MCM9: variants seen among roughly 807,000 people sequenced by gnomAD.
The protein encoded by MCM9 is DNA helicase MCM9.
MCM9 carries 55 observed loss-of-function variants against 72.8 expected under a neutral mutation model. The observed-to-expected ratio is 0.76, with a 90% CI of 0.61 to 0.95. MCM9 has a LOEUF of 0.95. Ranked by LOEUF, MCM9 falls within the 40% of genes least tolerant of loss-of-function variation. The pLI is 0.00. For synonymous variants in MCM9, 480 were observed against 503.4 expected (o/e 0.95, Z 0.62); for missense variants, 1,279 against 1,377.0 (o/e 0.93, Z 1.13).
In MCM9 at chr6:118,814,873, T is replaced by C. The variant is rs1446317116; in HGVS notation, c.3383A>G (p.Asp1128Gly). ...ATCCCAGTCACAATCAAATGCTTCA[T>C]CACCTAGTTCTGGTAAAGTGAAGAG... is the stretch of plus-strand genomic sequence containing the variant. ...ESLFTLPELG[D>G]EAFDCDWDEE... The change falls in exon 14 of 14, where the codon GAT becomes GGT. Residue 1128 changes from aspartate (D) to glycine (G), a missense_variant. Asp to Gly is a moderately conservative substitution (Grantham distance 94). Coordinates refer to ENST00000619706, the MANE Select transcript of MCM9 (RefSeq NM_017696.3). 2 of 1,536,680 alleles carry C rather than the reference T, an allele frequency of 1.3e-6. No individual in the cohort carries two copies. The highest frequency in any genetic ancestry group is 1.8e-6 in the Non-Finnish European group (2 of 1,140,978).
chr6:118,908,275 T>A (rs997582607), intron 8 of MCM9: 3 of 152,148 alleles, frequency 2.0e-5, no homozygotes, highest in African/African-American at 7.2e-5. Flanking sequence ...TTTGTTCTTA[T>A]AACAGAGTTT....
intron 3 of MCM9, among the ~76,000 whole-genome samples, 188 bp from the exon 4 acceptor site, chr6:118,924,315 G>T (rs1413047539): frequency 2.0e-5 from 3 of 152,062 alleles, no homozygotes; most frequent in East Asian, 1.9e-4. Context: ...GCAAATAACA[G>T]TTATCAGTAG....
At chr6:118,863,108 T>C (rs932404868) in intron 8 of MCM9, among the ~76,000 whole-genome samples, 7 of 152,196 alleles carry the variant, frequency 4.6e-5, no homozygotes, top group Admixed American at 2.6e-4. Flanking sequence ...TATTCTTAAT[T>C]GATCTAATAG....
At chr6:118,847,949 C>T (rs1355875283) in intron 9 of MCM9, among the ~76,000 whole-genome samples, 2 of 151,798 alleles carry the variant, frequency 1.3e-5, no homozygotes, top group South Asian at 2.1e-4. Flanking sequence ...TATATCCAGC[C>T]AAGCTATCTT....
At position 118,888,922 on chromosome 6, in the gene MCM9, G is replaced by C. The variant is rs147588087; in HGVS notation, c.1150+22728C>G. 2.0e-5 allele frequency among the ~76,000 whole-genome samples: 3 copies of C among 152,176 alleles called. No individual in the cohort carries two copies. In the East Asian group the frequency reaches 5.8e-4, roughly 29 times the overall value. ...TTCAGTGCTTGCCTACTGCTTGGGGGATATGCTGGGGAGGGGGATGTGCTA... is the reference window on the plus strand; with the variant it reads ...TTCAGTGCTTGCCTACTGCTTGGGGCATATGCTGGGGAGGGGGATGTGCTA... On this transcript the variant is annotated intron_variant, in intron 8 of 13. Transcript: ENST00000619706.
At chr6:118,819,168 T>C (rs1231431490) in intron 13 of MCM9, among the ~76,000 whole-genome samples, 1 of 152,060 alleles carries the variant, frequency 6.6e-6, no homozygotes, top group Non-Finnish European at 1.5e-5. Context: ...TGACTAGGAG[T>C]GGTGAGAGAG....
chr6:118,860,981 A>C (rs1776863332), intron 8 of MCM9, among the ~76,000 whole-genome samples: 1 of 152,140 alleles, frequency 6.6e-6, no homozygotes, highest in South Asian at 2.1e-4. Flanking sequence ...CCACCCATTC[A>C]GCCCAGCAGG....
intron 5 of MCM9, 42 bp from the exon 6 acceptor site, chr6:118,917,803 A>T: frequency 6.5e-7 from 1 of 1,538,146 alleles, no homozygotes; most frequent in Non-Finnish European, 9.0e-7. Flanking sequence ...AGCATCCTGC[A>T]TGCTGAGCAC....
Position 118,815,340 on chromosome 6 carries a change from T to C in MCM9, c.2916A>G (p.Gly972=), listed in dbSNP as rs1033317414. 7.1e-6 allele frequency: 11 copies of C among 1,550,258 alleles called. No individual in the cohort carries two copies. Among genetic ancestry groups the C allele is most frequent in the East Asian group, 2.4e-5 (1 of 40,922 alleles). ...RDAALPVKRP[G]KLTSTPGNQI... ...GGTTTCCTGGGGTAGATGTTAACTTTCCTGGACGCTTCACCGGCAAGGCTG... is the reference window on the plus strand; with the variant it reads ...GGTTTCCTGGGGTAGATGTTAACTTCCCTGGACGCTTCACCGGCAAGGCTG... The change falls in exon 14 of 14, where the codon GGA becomes GGG. Residue 972 remains glycine (G), a synonymous_variant. Coordinates refer to ENST00000619706, the MANE Select transcript of MCM9 (RefSeq NM_017696.3).
chr6:118,922,975 T>A (rs1781554135), intron 4 of MCM9, among the ~76,000 whole-genome samples: 1 of 135,144 alleles, frequency 7.4e-6, no homozygotes, highest in African/African-American at 2.9e-5. Flanking sequence ...GAGGTTACAG[T>A]GAGTCAAGAT....
chr6:118,824,609 T>C (rs1009849223), intron 13 of MCM9, among the ~76,000 whole-genome samples: 2 of 152,206 alleles, frequency 1.3e-5, no homozygotes, highest in African/African-American at 4.8e-5. Context: ...GTGCCCCGCC[T>C]GCACTCTGTT....
intron 11 of MCM9, 77 bp downstream of exon 11, chr6:118,827,850 G>C: frequency 7.3e-7 from 1 of 1,366,394 alleles, no homozygotes; most frequent in African/African-American, 1.4e-5. Flanking sequence ...ATTCAACTTT[G>C]AATCCATGGT....
chr6:118,914,644 G>T (rs1237719705), intron 6 of MCM9, among the ~76,000 whole-genome samples: 2 of 152,286 alleles, frequency 1.3e-5, no homozygotes, highest in South Asian at 4.1e-4. Context: ...AGACTTGACA[G>T]CAGGTAGGTA....
chr6:118,926,772 C>T (rs984389376), intron 3 of MCM9, among the ~76,000 whole-genome samples: 4 of 151,998 alleles, frequency 2.6e-5, no homozygotes, highest in Non-Finnish European at 5.9e-5. Context: ...GAACAGTTTT[C>T]GATTATCTTG....
intron 3 of MCM9, 118 bp from the exon 4 acceptor site, chr6:118,924,245 T>G: frequency 1.1e-6 from 1 of 913,002 alleles, no homozygotes; most frequent in Non-Finnish European, 1.7e-6. Flanking sequence ...AAAAAAAGAT[T>G]GTGTTTTACT....
intron 1 of MCM9, among the ~76,000 whole-genome samples, chr6:118,934,631 A>G (rs1325087612): frequency 6.6e-6 from 1 of 152,060 alleles, no homozygotes; most frequent in South Asian, 2.1e-4. Flanking sequence ...CGGCTGCCCC[A>G]GGGGCGCCTG....
At chr6:118,933,410 G>A (rs1188147053) in intron 1 of MCM9, among the ~76,000 whole-genome samples, 1 of 151,978 alleles carries the variant, frequency 6.6e-6, no homozygotes, top group Non-Finnish European at 1.5e-5. Context: ...GGAGGCTGAG[G>A]CAGGAGAATG....
At chr6:118,833,183 C>G (rs149309025) in intron 9 of MCM9, among the ~76,000 whole-genome samples, 1 of 151,894 alleles carries the variant, frequency 6.6e-6, no homozygotes, top group Non-Finnish European at 1.5e-5. Context: ...CAGACTGACA[C>G]GAACAAGAAA....
chr6:118,925,798 C>A (rs1781843880), intron 3 of MCM9, among the ~76,000 whole-genome samples: 1 of 152,062 alleles, frequency 6.6e-6, no homozygotes, highest in Admixed American at 6.6e-5. Context: ...GCCCAGAAAT[C>A]TCTCTCTCTT....
Sources: allele counts gnomAD v4.1 joint callset (sites outside exome capture counted in the v4.1 genomes callset), GRCh38; gene constraint gnomAD v4.1.1; transcripts MANE v1.5; gene names NCBI Gene and HGNC (gene_info 2026-07-23, HGNC 2026-07-21).